SUGCT: variants seen among roughly 807,000 people sequenced by gnomAD.
SUGCT encodes succinyl-CoA:glutarate-CoA transferase.
Under a neutral mutation model 55.0 loss-of-function variants are expected in SUGCT, and 41 were observed. The ratio of observed to expected loss-of-function variants is 0.74; its 90% CI spans 0.58 to 0.97. The LOEUF (loss-of-function observed/expected upper bound fraction) is 0.97. Among genes scored for constraint, SUGCT ranks in the 50% least tolerant of loss-of-function variants. The pLI is 0.00. For synonymous variants in SUGCT, 187 were observed against 200.4 expected, an observed-to-expected ratio of 0.93 and a Z score of 0.56; for missense variants, 568 against 547.8, an observed-to-expected ratio of 1.04 and a Z score of -0.37.
chr7:40,267,364 A>C (rs1448579048), intron 7 of SUGCT, among the ~76,000 whole-genome samples: 1 of 152,192 alleles, frequency 6.6e-6, no homozygotes, highest in Non-Finnish European at 1.5e-5. Flanking sequence ...TTGTACTATC[A>C]ATTTCTAGAG....
At chr7:40,365,519 G>C (rs1172064323) in intron 9 of SUGCT, among the ~76,000 whole-genome samples, 1 of 152,158 alleles carries the variant, frequency 6.6e-6, no homozygotes, top group Non-Finnish European at 1.5e-5. Context: ...AAACCCCTTT[G>C]TCTCAGCCTA....
intron 7 of SUGCT, among the ~76,000 whole-genome samples, chr7:40,249,410 TATATA>T (rs972415702): frequency 2.0e-4 from 29 of 144,870 alleles, no homozygotes; most frequent in Admixed American, 2.8e-4. Context: ...GTATATAATA[TATATA>T]ATATAAGACT....
At chr7:40,283,018 G>A (rs912710780) in intron 8 of SUGCT, among the ~76,000 whole-genome samples, 1 of 151,864 alleles carries the variant, frequency 6.6e-6, no homozygotes, top group Non-Finnish European at 1.5e-5. Flanking sequence ...GGCAATGAAA[G>A]CAAAACTAGA....
At chr7:40,201,122 T>C (rs567389617) in intron 6 of SUGCT, among the ~76,000 whole-genome samples, 2 of 151,774 alleles carry the variant, frequency 1.3e-5, no homozygotes, top group Non-Finnish European at 2.9e-5. Context: ...TGCAAATTCA[T>C]AGATGTTTTG....
intron 12 of SUGCT, among the ~76,000 whole-genome samples, chr7:40,519,137 C>G (rs1793398212): frequency 6.6e-6 from 1 of 151,998 alleles, no homozygotes; most frequent in South Asian, 2.1e-4. Flanking sequence ...CGTGAGAAAA[C>G]ATCGGACAAA....
At chr7:40,993,005 G>A in the SUGCT span, among the ~76,000 whole-genome samples, 1 of 152,114 alleles carries the variant, frequency 6.6e-6, no homozygotes, top group East Asian at 1.9e-4. Flanking sequence ...AAGGGAAATT[G>A]GTTCCCTGGT....
At chr7:40,357,936 A>C (rs899590569) in intron 9 of SUGCT, among the ~76,000 whole-genome samples, 16 of 152,290 alleles carry the variant, frequency 1.1e-4, no homozygotes, top group African/African-American at 3.6e-4. Context: ...AGAATCATTG[A>C]TCTATGATGA....
chr7:40,772,500 ATCTATC>A (rs1562993816), intron 13 of SUGCT, among the ~76,000 whole-genome samples: 2 of 38,206 alleles, frequency 5.2e-5, no homozygotes, highest in Non-Finnish European at 1.2e-4. Flanking sequence ...TGAAATATCT[ATCTATC>A]TATCTATCTA....
the SUGCT span, among the ~76,000 whole-genome samples, chr7:41,025,129 C>T: frequency 6.6e-6 from 1 of 151,908 alleles, no homozygotes; most frequent in African/African-American, 2.4e-5. Context: ...AAGTATAAAA[C>T]CATTGATAGG....
chr7:40,705,988 TGCTTCAGAG>T (rs1477216692), intron 12 of SUGCT, among the ~76,000 whole-genome samples: 1 of 152,198 alleles, frequency 6.6e-6, no homozygotes, highest in Non-Finnish European at 1.5e-5. Flanking sequence ...AAACTCTATC[TGCTTCAGAG>T]GCATGTGATT....
At chr7:40,344,205 C>A (rs529828203) in intron 9 of SUGCT, among the ~76,000 whole-genome samples, 1 of 152,126 alleles carries the variant, frequency 6.6e-6, no homozygotes, top group Middle Eastern at 3.4e-3. Flanking sequence ...TAGAACGATG[C>A]CTTAGTAATA....
At chr7:41,037,108 T>C in the SUGCT span, among the ~76,000 whole-genome samples, 2 of 152,350 alleles carry the variant, frequency 1.3e-5, no homozygotes, top group South Asian at 2.1e-4. Flanking sequence ...CACCTGTGCA[T>C]GTGTGGATGA....
chr7:40,388,784 T>A (rs1785255003), intron 9 of SUGCT, among the ~76,000 whole-genome samples: 1 of 152,212 alleles, frequency 6.6e-6, no homozygotes, highest in South Asian at 2.1e-4. Flanking sequence ...TTTCACATCA[T>A]CATGCTCTGA....
At chr7:40,870,240 T>C in the SUGCT span, among the ~76,000 whole-genome samples, 2 of 152,284 alleles carry the variant, frequency 1.3e-5, no homozygotes, top group East Asian at 3.9e-4. Flanking sequence ...GTGCTCTCTG[T>C]GGGGGCTTTA....
chr7:40,147,046 C>T (rs1344234831), intron 1 of SUGCT, among the ~76,000 whole-genome samples: 1 of 102,802 alleles, frequency 9.7e-6, no homozygotes, highest in Non-Finnish European at 1.8e-5. Context: ...CTCTCTTTCT[C>T]TCTCTTTCTT....
At chr7:40,846,559 G>T (rs1161842936) in intron 13 of SUGCT, among the ~76,000 whole-genome samples, 2 of 152,210 alleles carry the variant, frequency 1.3e-5, no homozygotes, top group African/African-American at 2.4e-5. Context: ...TGACATTTCA[G>T]TGGGTTGGAA....
At chr7:40,338,368 G>A (rs570480844) in intron 9 of SUGCT, among the ~76,000 whole-genome samples, 31 of 152,206 alleles carry the variant, frequency 2.0e-4, no homozygotes, top group African/African-American at 3.1e-4. Flanking sequence ...CATTCTCCCC[G>A]TCACTTTCAG....
intron 12 of SUGCT, among the ~76,000 whole-genome samples, chr7:40,557,714 A>G (rs1233569784): frequency 6.6e-5 from 10 of 151,402 alleles, no homozygotes; most frequent in Non-Finnish European, 1.3e-4. Flanking sequence ...CGGAGGTTGC[A>G]GTGAGCTGAG....
At chr7:40,678,632 CTA>C (rs900810663) in intron 12 of SUGCT, among the ~76,000 whole-genome samples, 6 of 152,126 alleles carry the variant, frequency 3.9e-5, no homozygotes, top group African/African-American at 1.4e-4. Flanking sequence ...CAAAATTCCA[CTA>C]TAATAACATA....
Sources: allele counts gnomAD v4.1 joint callset (sites outside exome capture counted in the v4.1 genomes callset), GRCh38; gene constraint gnomAD v4.1.1; transcripts MANE v1.5; gene names NCBI Gene and HGNC (gene_info 2026-07-23, HGNC 2026-07-21).